Variants in SEPTIN5 observed in about 807,000 individuals in gnomAD.
SEPTIN5 encodes the protein septin 5, also known as septin-5.
SEPTIN5 carries 16 observed loss-of-function variants against 51.2 expected under a neutral mutation model. The observed-to-expected ratio is 0.31, with a 90% CI of 0.21 to 0.47. The LOEUF (loss-of-function observed/expected upper bound fraction) is 0.47, where lower values mean the gene tolerates loss of function less well. SEPTIN5 is among the 20% of genes least tolerant of loss of function. SEPTIN5 has a pLI of 0.99. For missense variants in SEPTIN5, 376 were observed against 500.3 expected (o/e 0.75, Z 2.37); for synonymous variants, 208 against 191.2 (o/e 1.09, Z -0.72).
chr22:19,719,358 G>C (rs1175390601), intron 2 of SEPTIN5: 1 of 512,626 alleles, frequency 2.0e-6, no homozygotes, highest in Admixed American at 3.3e-5. Context: ...AATAAATACA[G>C]TGTCGGTCCC....
chr22:19,718,507 C>T, intron 2 of SEPTIN5: 1 of 1,256,506 alleles, frequency 8.0e-7, no homozygotes, highest in Non-Finnish European at 1.0e-6. Context: ...GCCGCCACAG[C>T]TTGGGGCCAG....
chr22:19,722,079 CCT>C, intron 10 of SEPTIN5, 122 bp downstream of exon 10: 16 of 1,311,690 alleles, frequency 1.2e-5, no homozygotes, highest in Non-Finnish European at 1.6e-5. Flanking sequence ...AAGCCCCCCC[CCT>C]CCCCCAGAGC....
rs139724225 is a variant in SEPTIN5, at chr22:19,720,794, G to A, written c.642G>A (p.Gly214=). 5.0e-6 allele frequency: 8 copies of A among 1,613,618 alleles called. No individual in the cohort carries two copies. In the African/African-American group the frequency reaches 1.1e-4, roughly 22 times the overall value. Residue 214 remains glycine, a synonymous_variant, in exon 8 of 12, where the codon GGG becomes GGA. Coordinates refer to ENST00000455784, the MANE Select transcript of SEPTIN5 (RefSeq NM_002688.6). The part of the protein sequence containing the change: ...ERIREEIDKF[G]IHVYQFPECD... Reference sequence around the variant, plus strand: ...TCCGGGAGGAGATTGACAAGTTTGGGATCCATGTATACCAGTTCCCTGAGT... The same window carrying A: ...TCCGGGAGGAGATTGACAAGTTTGGAATCCATGTATACCAGTTCCCTGAGT...
chr22:19,723,094 C>T lies in SEPTIN5; in HGVS notation c.*610C>T, dbSNP rs777546465. On this transcript the variant is annotated 3_prime_UTR_variant, in exon 12 of 12. Coordinates refer to ENST00000455784, the MANE Select transcript of SEPTIN5 (RefSeq NM_002688.6). The stretch of plus-strand genomic sequence containing the variant: ...AGCCCGGCCCGACCTGGAGGGCCCC[C>T]GGGGCACTGGGCGGTGAGCCACCTC... 1.9e-6 allele frequency: 1 copy of T among 534,552 alleles called. No individual in the cohort carries two copies. The highest frequency in any genetic ancestry group is 1.9e-5 in the African/African-American group (1 of 54,018). 33.1% of individuals were successfully genotyped at this position (534,552 alleles called of 1,614,324 possible). A position where few individuals can be genotyped will look rare whatever the true frequency, so the allele number is the denominator to read the frequency against.
rs1301090028 is a variant in SEPTIN5 at position 19,714,675 on chromosome 22, C to T, written c.43+44C>T. On this transcript the variant is annotated intron_variant, in intron 1 of 11. Coordinates refer to ENST00000455784, the MANE Select transcript of SEPTIN5 (RefSeq NM_002688.6). The surrounding 1 kb of genome is among the most constrained non-coding windows in gnomAD (Gnocchi z 5.2). ...CGCGTGCCCGCGCGCGCCTTTGTCC[C>T]CGCCGCCCGCGCGCCTCTCACCGTG... 2.0e-6 allele frequency: 3 copies of T among 1,518,286 alleles called. No individual in the cohort carries two copies. Among genetic ancestry groups the T allele is most frequent in the African/African-American group, 1.4e-5 (1 of 70,100 alleles). The allele number at this position is 1,518,286 out of a possible 1,614,324, so 94.1% of individuals were successfully genotyped here.
At chr22:19,722,391 C>A (rs1392929182) in intron 11 of SEPTIN5, 37 bp from the exon 12 acceptor site, 1 of 1,592,996 alleles carries the variant, frequency 6.3e-7, no homozygotes. Flanking sequence ...TGCTCCTCCG[C>A]GGTGCTGCTC....
rs753528721 is a variant in SEPTIN5 at position 19,720,467 on chromosome 22, C to T, written c.497+13C>T. 3 of 1,613,208 alleles carry T rather than the reference C, an allele frequency of 1.9e-6. No homozygotes were observed. Among genetic ancestry groups the T allele is most frequent in the Non-Finnish European group, 2.5e-6 (3 of 1,179,746 alleles). On this transcript the variant is annotated intron_variant, in intron 6 of 11. Coordinates refer to ENST00000455784, the MANE Select transcript of SEPTIN5 (RefSeq NM_002688.6). Reference sequence around the variant, plus strand: ...CCTTCGGGCATGGGTGTGTGGCTGTCCTGGGGCCAGGCTCGGGAGTGCAGC... The same window carrying T: ...CCTTCGGGCATGGGTGTGTGGCTGTTCTGGGGCCAGGCTCGGGAGTGCAGC...
rs377697631 is a variant in SEPTIN5, at chr22:19,720,096, A to G, written c.239-19A>G. ...GGCTGAGGGTTGGAGAGGCCCTTCC[A>G]GTGGCCCCTTCCCCGTAGAGCGCAT... On this transcript the variant is annotated intron_variant, in intron 4 of 11. Coordinates refer to ENST00000455784, the MANE Select transcript of SEPTIN5 (RefSeq NM_002688.6). 1.2e-6 allele frequency: 2 copies of G among 1,612,840 alleles called. No individual in the cohort carries two copies. The highest frequency in any genetic ancestry group is 1.7e-4 in the Middle Eastern group (1 of 6,016).
In SEPTIN5 at chr22:19,717,354, G is replaced by A. The variant is rs75075957; in HGVS notation, c.55-2248G>A. ...GTGGGTGGCCCACAGAGCGGAGCTC[G>A]GGAGACCCCCGCAGTCCCTGGAGTA... On this transcript the variant is annotated intron_variant, in intron 2 of 11. Transcript: ENST00000455784. 2,021 of 470,412 alleles carry A rather than the reference G, an allele frequency of 4.3e-3. 39 individuals carry two copies. The highest frequency in any genetic ancestry group is 0.037 in the African/African-American group (1,851 of 50,202). 29.1% of individuals were successfully genotyped at this position (470,412 alleles called of 1,614,324 possible).
At chr22:19,718,420 C>A in intron 2 of SEPTIN5, 7 of 1,060,928 alleles carry the variant, frequency 6.6e-6, no homozygotes, top group Non-Finnish European at 6.8e-6. Flanking sequence ...TGCCGCCCCC[C>A]GCCGCGCGCT....
At chr22:19,721,264 C>G (rs777614440) in intron 8 of SEPTIN5, among the ~76,000 whole-genome samples, 1 of 152,188 alleles carries the variant, frequency 6.6e-6, no homozygotes, top group East Asian at 1.9e-4. Context: ...TTGGGTGCCC[C>G]GGCAGCTAGA....
At chr22:19,716,464 A>T (rs1395959575) in intron 2 of SEPTIN5, among the ~76,000 whole-genome samples, 1 of 152,196 alleles carries the variant, frequency 6.6e-6, no homozygotes, top group East Asian at 1.9e-4. Context: ...GACTCGGGTG[A>T]TTCTAAGAAT....
intron 2 of SEPTIN5, chr22:19,718,602 T>A (rs749829248): frequency 4.7e-6 from 6 of 1,290,270 alleles, no homozygotes; most frequent in Non-Finnish European, 5.9e-6. Flanking sequence ...AGGCCTCACT[T>A]CCCGCGTCCG....
At chr22:19,719,379 T>C in intron 2 of SEPTIN5, 3 of 551,780 alleles carry the variant, frequency 5.4e-6, no homozygotes, top group Non-Finnish European at 9.8e-6. Context: ...TGCAGAGCCC[T>C]CCCTGGGATT....
intron 4 of SEPTIN5, 77 bp from the exon 5 acceptor site, chr22:19,720,038 T>C: frequency 6.2e-7 from 1 of 1,608,146 alleles, no homozygotes; most frequent in Admixed American, 1.7e-5. Context: ...CCAAGATGGA[T>C]GAGGACGAGG....
At position 19,719,861 on chromosome 22, in the gene SEPTIN5, G is replaced by A; in HGVS notation, c.207G>A (p.Leu69=). Residue 69 remains leucine (L), a synonymous_variant, in exon 4 of 12, where the codon TTG becomes TTA. Transcript: ENST00000455784. ...TLVHSLFLTD[L]YKDRKLLSAE... The stretch of plus-strand genomic sequence containing the variant: ...TCCACAGCCTCTTCCTGACAGACTT[G>A]TACAAGGACCGGAAGCTGCTCAGTG... 1 of 1,613,098 alleles carries A rather than the reference G, an allele frequency of 6.2e-7. No individual in the cohort carries two copies.
chr22:19,718,336 C>T (rs1429991811), intron 2 of SEPTIN5: 2 of 940,892 alleles, frequency 2.1e-6, no homozygotes, highest in Non-Finnish European at 2.5e-6. Context: ...CCTCCGCAGC[C>T]GCTTTCGGGT....
rs200360342 is a variant in SEPTIN5 at position 19,717,924 on chromosome 22, G to GCGCACGCACGCA, written c.55-1667_55-1656dup. ...CGCACGGACGCGCACACACAAACGCGCGCACGCACGCACGCACGCACGGGG... is the reference window on the plus strand; with the variant it reads ...CGCACGGACGCGCACACACAAACGCGCGCACGCACGCACGCACGCACGCACGCACGCACGGGG... On this transcript the variant is annotated intron_variant, in intron 2 of 11. Transcript: ENST00000455784. The GCGCACGCACGCA allele has an allele frequency of 9.0e-5, 14 of 156,182 alleles. 2 individuals are homozygous for GCGCACGCACGCA. The South Asian group carries it at 1.9e-3, about 21-fold the overall frequency. The allele number at this position is 156,182 out of a possible 1,614,324, so 9.7% of individuals were successfully genotyped here.
rs1935889618 is a variant in SEPTIN5, at chr22:19,714,742, G to A, written c.44-39G>A. ...CCGCCCGCCGGCCCGGACCCGCTCG[G>A]AACCGGACCCGGACTCGACCCCGAC... On this transcript the variant is annotated intron_variant, in intron 1 of 11. Transcript: ENST00000455784. This position sits in a 1 kb window ranked among gnomAD's most constrained non-coding sequence, Gnocchi z 5.2. 6.3e-7 allele frequency: 1 copy of A among 1,582,866 alleles called. No homozygotes were observed. The highest frequency in any genetic ancestry group is 8.5e-7 in the Non-Finnish European group (1 of 1,171,864).
Sources: gnomAD v4.1 joint callset for allele counts (sites outside exome capture counted in the v4.1 genomes callset) on GRCh38, gnomAD v4.1.1 for gene constraint, Gnocchi (gnomAD v3.1) non-coding constraint, MANE v1.5 for transcripts, NCBI Gene and HGNC (gene_info 2026-07-23, HGNC 2026-07-21) for gene names.